ABCG2: variants seen among roughly 807,000 people sequenced by gnomAD.
The protein encoded by ABCG2 is ATP binding cassette subfamily G member 2 (JR blood group).
Under a neutral mutation model 73.5 loss-of-function variants are expected in ABCG2, and 80 were observed. That is an observed-to-expected ratio of 1.09 (90% confidence interval 0.91 to 1.31). The LOEUF (loss-of-function observed/expected upper bound fraction) is 1.31. Among genes scored for constraint, ABCG2 ranks in the 50% most tolerant of loss-of-function variants. ABCG2 has a pLI of 0.00. For synonymous variants in ABCG2, 269 were observed against 282.4 expected, an observed-to-expected ratio of 0.95 and a Z score of 0.48; for missense variants, 796 against 786.2, an observed-to-expected ratio of 1.01 and a Z score of -0.15.
chr4:88,142,332 C>CA (rs1009926106), intron 1 of ABCG2, among the ~76,000 whole-genome samples: 1 of 151,640 alleles, frequency 6.6e-6, no homozygotes, highest in Non-Finnish European at 1.5e-5. Context: ...AGGATGAATA[C>CA]AAAAAAAGAC....
At chr4:88,151,505 G>A (rs949483070) in intron 1 of ABCG2, among the ~76,000 whole-genome samples, 9 of 152,172 alleles carry the variant, frequency 5.9e-5, no homozygotes, top group Admixed American at 3.3e-4. Flanking sequence ...TTGGGAGGCC[G>A]AGGCAGGTGG....
At chr4:88,201,762 C>T (rs752122543) in intron 1 of ABCG2, 1 of 151,988 alleles carries the variant, frequency 6.6e-6, no homozygotes, top group South Asian at 2.1e-4. Flanking sequence ...ATTAGCACGG[C>T]GCCCTACACA....
chr4:88,101,420 T>C, intron 10 of ABCG2, 101 bp from the exon 11 acceptor site: 2 of 1,080,748 alleles, frequency 1.9e-6, no homozygotes, highest in South Asian at 1.3e-5. Context: ...TGTATAAAGT[T>C]AAGCAGGAAA....
At chr4:88,115,600 G>A (rs371281363) in intron 7 of ABCG2, among the ~76,000 whole-genome samples, 11 of 146,340 alleles carry the variant, frequency 7.5e-5, no homozygotes, top group Admixed American at 4.1e-4. Context: ...ACAATATTTC[G>A]GCAATTCTTT....
chr4:88,200,397 G>A (rs1729110419), intron 1 of ABCG2, among the ~76,000 whole-genome samples: 1 of 152,068 alleles, frequency 6.6e-6, no homozygotes, highest in Admixed American at 6.6e-5. Context: ...TGGAAATCTT[G>A]GCCTCAAGTG....
chr4:88,149,270 T>C (rs1379372183), intron 1 of ABCG2, among the ~76,000 whole-genome samples: 1 of 152,224 alleles, frequency 6.6e-6, no homozygotes, highest in African/African-American at 2.4e-5. Context: ...GGTTTTAATC[T>C]GTGATTAGAA....
chr4:88,119,698 A>G (rs2448795), intron 6 of ABCG2, among the ~76,000 whole-genome samples: 54,103 of 152,052 alleles, frequency 0.36, 9,773 homozygotes, highest in South Asian at 0.38. Flanking sequence ...GATTTAGAGC[A>G]TCTGGTAGAA....
chr4:88,209,309 CAA>C (rs60027656), intron 1 of ABCG2, among the ~76,000 whole-genome samples: 99 of 81,452 alleles, frequency 1.2e-3, no homozygotes, highest in South Asian at 1.6e-3. Flanking sequence ...GACTCCATCT[CAA>C]AAAAAAAAAA....
chr4:88,153,515 G>A (rs181902662), intron 1 of ABCG2, among the ~76,000 whole-genome samples: 38,420 of 118,744 alleles, frequency 0.32, 7,623 homozygotes, highest in East Asian at 0.56. Flanking sequence ...CCAGTAGTCC[G>A]TTCTACCTTT....
At chr4:88,206,432 A>G (rs1034485058) in intron 1 of ABCG2, 1 of 152,178 alleles carries the variant, frequency 6.6e-6, no homozygotes, top group African/African-American at 2.4e-5. Context: ...TAAAATAAAA[A>G]TGATAGTTGG....
chr4:88,107,118 A>T (rs1043051315), intron 10 of ABCG2, 66 bp downstream of exon 10: 34 of 1,205,294 alleles, frequency 2.8e-5, no homozygotes, highest in South Asian at 1.1e-4. Context: ...CAAATTCTTA[A>T]TGGATTTCAA....
At chr4:88,160,133 C>G (rs746441134), upstream of ABCG2, among the ~76,000 whole-genome samples, 1 of 151,620 alleles carries the variant, frequency 6.6e-6, no homozygotes, top group African/African-American at 2.4e-5. Context: ...CCCAGCTACT[C>G]GCGAGGCTAA....
chr4:88,199,170 T>C (rs1729053779), intron 1 of ABCG2, among the ~76,000 whole-genome samples: 1 of 152,018 alleles, frequency 6.6e-6, no homozygotes, highest in African/African-American at 2.4e-5. Flanking sequence ...GGTTTCACCA[T>C]GTTGGCCAGG....
chr4:88,151,143 G>A lies in ABCG2; in HGVS notation c.-20+7243C>T, dbSNP rs188722989. ...GGCTAGAAGACATAGGGAGGACAGC[G>A]GCAGAAGCTCTGGGAAAGTCATCAC... On this transcript the variant is annotated intron_variant, in intron 1 of 15. Transcript: ENST00000237612. Among the ~76,000 whole-genome samples, 328 of 152,274 alleles carry A rather than the reference G, an allele frequency of 2.2e-3. 2 individuals are homozygous for A. Among genetic ancestry groups the A allele is most frequent in the African/African-American group, 7.3e-3 (303 of 41,550 alleles).
At chr4:88,186,646 G>C (rs933467544) in intron 1 of ABCG2, among the ~76,000 whole-genome samples, 2 of 151,762 alleles carry the variant, frequency 1.3e-5, no homozygotes. Flanking sequence ...GCGGCCGGGC[G>C]CGGTGGCTCA....
intron 1 of ABCG2, among the ~76,000 whole-genome samples, chr4:88,196,056 C>A (rs943938129): frequency 1.3e-5 from 2 of 152,148 alleles, no homozygotes; most frequent in African/African-American, 4.8e-5. Context: ...CAGCTGCAAC[C>A]AATTACTATT....
At chr4:88,119,295 C>A (rs755577631) in intron 6 of ABCG2, among the ~76,000 whole-genome samples, 1 of 152,204 alleles carries the variant, frequency 6.6e-6, no homozygotes, top group South Asian at 2.1e-4. Context: ...TTATAAATTA[C>A]CCAGCCTCAG....
At chr4:88,155,705 G>A (rs1038370725) in intron 1 of ABCG2, among the ~76,000 whole-genome samples, 3 of 152,178 alleles carry the variant, frequency 2.0e-5, no homozygotes, top group Non-Finnish European at 4.4e-5. Flanking sequence ...AGGAGTTCGA[G>A]ACCAGCCTGG....
chr4:88,214,018 C>T (rs1169787098), intron 1 of ABCG2, among the ~76,000 whole-genome samples: 5 of 112,214 alleles, frequency 4.5e-5, no homozygotes, highest in Non-Finnish European at 6.8e-5. Context: ...GACAGAGTCT[C>T]ATTCTGTCGC....
Sources: allele counts gnomAD v4.1 joint callset (sites outside exome capture counted in the v4.1 genomes callset), GRCh38; gene constraint gnomAD v4.1.1; transcripts MANE v1.5; gene names NCBI Gene and HGNC (gene_info 2026-07-23, HGNC 2026-07-21).